The following CLASP2 variants were observed in gnomAD, a reference collection of about 807,000 sequenced individuals.
The protein encoded by CLASP2 is cytoplasmic linker associated protein 2, also known as CLIP-associating protein 2.
A neutral mutation model predicts 194.4 loss-of-function variants in CLASP2; 47 were observed. The ratio of observed to expected loss-of-function variants is 0.24; its 90% CI spans 0.19 to 0.31. CLASP2 has a LOEUF of 0.31. Among genes scored for constraint, CLASP2 ranks in the 10% least tolerant of loss-of-function variants. CLASP2 has a pLI of 1.00. For missense variants in CLASP2, 1,445 were observed against 1,823.6 expected (o/e 0.79, Z 3.78); for synonymous variants, 619 against 633.5 (o/e 0.98, Z 0.34).
intron 24 of CLASP2, among the ~76,000 whole-genome samples, chr3:33,573,750 G>C (rs1222779572): frequency 6.6e-6 from 1 of 152,106 alleles, no homozygotes; most frequent in East Asian, 1.9e-4. Flanking sequence ...TAAAGAAAGA[G>C]TATAATGGAT....
At chr3:33,661,743 T>C (rs934927142) in intron 7 of CLASP2, among the ~76,000 whole-genome samples, 10 of 152,164 alleles carry the variant, frequency 6.6e-5, no homozygotes, top group Admixed American at 4.6e-4. Flanking sequence ...GAGAGATGAA[T>C]GATGGCTAGA....
intron 12 of CLASP2, among the ~76,000 whole-genome samples, chr3:33,615,781 T>A (rs192502751): frequency 1.3e-5 from 2 of 152,054 alleles, no homozygotes; most frequent in Admixed American, 1.3e-4. Context: ...CAGAATGTCA[T>A]GAAACTAAAA....
intron 6 of CLASP2, among the ~76,000 whole-genome samples, chr3:33,674,626 A>C (rs566066809): frequency 6.6e-6 from 1 of 152,328 alleles, no homozygotes; most frequent in African/African-American, 2.4e-5. Flanking sequence ...AAAACCCTTC[A>C]AAAAATTAAT....
chr3:33,676,012 G>A (rs544108158), intron 6 of CLASP2, among the ~76,000 whole-genome samples: 79 of 151,610 alleles, frequency 5.2e-4, no homozygotes, highest in Admixed American at 4.5e-3. Flanking sequence ...TACTGCCCAA[G>A]GTAATTTATA....
At chr3:33,689,757 A>C (rs1575607131) in intron 3 of CLASP2, 72 bp downstream of exon 3, 1 of 994,848 alleles carries the variant, frequency 1.0e-6, no homozygotes, top group East Asian at 2.9e-5. Flanking sequence ...TTCAGTGTTC[A>C]TGCTTGCTGT....
At chr3:33,560,663 T>C (rs113928275) in intron 28 of CLASP2, 145 bp downstream of exon 28, 4 of 670,892 alleles carry the variant, frequency 6.0e-6, no homozygotes, top group African/African-American at 3.6e-5. Flanking sequence ...ATATACAATA[T>C]GAATGGGCAT....
At chr3:33,586,588 A>C (rs1287546789) in intron 21 of CLASP2, among the ~76,000 whole-genome samples, 1 of 152,196 alleles carries the variant, frequency 6.6e-6, no homozygotes, top group African/African-American at 2.4e-5. Flanking sequence ...AATTTTAAGG[A>C]GATAAGCTCC....
intron 7 of CLASP2, among the ~76,000 whole-genome samples, chr3:33,648,207 T>A (rs556889279): frequency 2.6e-5 from 4 of 152,130 alleles, no homozygotes; most frequent in African/African-American, 9.6e-5. Context: ...ATAAATGAAC[T>A]AGTAAAAGTG....
intron 6 of CLASP2, among the ~76,000 whole-genome samples, chr3:33,681,658 A>G (rs1011450337): frequency 8.5e-5 from 13 of 152,248 alleles, no homozygotes; most frequent in African/African-American, 2.7e-4. Context: ...GAGTACATAA[A>G]GGTTTTAAAA....
chr3:33,717,518 C>G (rs747021208), intron 1 of CLASP2, among the ~76,000 whole-genome samples: 3 of 152,070 alleles, frequency 2.0e-5, no homozygotes, highest in Admixed American at 2.0e-4. Flanking sequence ...CCTCTGCCTG[C>G]TAGATTCAAG....
chr3:33,649,833 C>T (rs1391267933), intron 7 of CLASP2, among the ~76,000 whole-genome samples: 3 of 152,272 alleles, frequency 2.0e-5, no homozygotes, highest in African/African-American at 7.2e-5. Context: ...AAATAGAGTG[C>T]TTCATTAAGG....
chr3:33,609,333 T>C (rs538454781), intron 13 of CLASP2, among the ~76,000 whole-genome samples: 1 of 152,294 alleles, frequency 6.6e-6, no homozygotes, highest in Admixed American at 6.5e-5. Flanking sequence ...TAAAAATATT[T>C]ATTAAACATC....
At chr3:33,678,483 AAAAACACACT>A (rs1464486086) in intron 6 of CLASP2, among the ~76,000 whole-genome samples, 3 of 152,188 alleles carry the variant, frequency 2.0e-5, no homozygotes, top group African/African-American at 7.2e-5. Flanking sequence ...TGTTGACAGA[AAAAACACACT>A]AATCTACAAT....
intron 19 of CLASP2, among the ~76,000 whole-genome samples, chr3:33,596,008 T>A (rs1265463083): frequency 6.6e-6 from 1 of 152,006 alleles, no homozygotes; most frequent in Non-Finnish European, 1.5e-5. Flanking sequence ...TCTCATAATG[T>A]GACATACAGA....
chr3:33,653,162 T>C (rs1249545237), intron 7 of CLASP2, among the ~76,000 whole-genome samples: 1 of 152,114 alleles, frequency 6.6e-6, no homozygotes, highest in African/African-American at 2.4e-5. Flanking sequence ...CTGCTCAATA[T>C]TAGGATCACA....
intron 10 of CLASP2, 109 bp from the exon 11 acceptor site, chr3:33,622,389 T>C (rs1007277537): frequency 4.3e-5 from 32 of 743,874 alleles, no homozygotes; most frequent in Non-Finnish European, 6.3e-5. Context: ...GAAACATATA[T>C]AATGTTTCAT....
chr3:33,497,113 G>A lies in CLASP2; in HGVS notation c.*1518C>T, dbSNP rs2045892785. The A allele has an allele frequency of 6.6e-6, 1 of 152,582 alleles. No homozygotes were observed. The highest frequency in any genetic ancestry group is 2.4e-5 in the African/African-American group (1 of 41,454). The allele number at this position is 152,582 out of a possible 1,614,324, so 9.5% of individuals were successfully genotyped here. The stretch of plus-strand genomic sequence containing the variant: ...AACAAAATTGTTACAGGTAGAGGGA[G>A]AGGATATAGAGAAACTTTTCCTGCT... On this transcript the variant is annotated 3_prime_UTR_variant, in exon 39 of 39. Coordinates refer to ENST00000682230, the MANE Select transcript of CLASP2 (RefSeq NM_001365631.1).
chr3:33,583,934 G>C (rs548710537), intron 22 of CLASP2, among the ~76,000 whole-genome samples: 1 of 152,204 alleles, frequency 6.6e-6, no homozygotes, highest in Non-Finnish European at 1.5e-5. Context: ...GGGAAAATAG[G>C]CAGATTTTGG....
At chr3:33,568,068 A>T (rs1490655717) in intron 26 of CLASP2, among the ~76,000 whole-genome samples, 1 of 152,220 alleles carries the variant, frequency 6.6e-6, no homozygotes, top group Non-Finnish European at 1.5e-5. Context: ...CAAATTACAG[A>T]CATCAAATAA....
Sources: allele counts gnomAD v4.1 joint callset (sites outside exome capture counted in the v4.1 genomes callset), GRCh38; gene constraint gnomAD v4.1.1; transcripts MANE v1.5; gene names NCBI Gene and HGNC (gene_info 2026-07-23, HGNC 2026-07-21).